Variants in TSTD2 observed in about 807,000 individuals in gnomAD.
The protein encoded by TSTD2 is thiosulfate sulfurtransferase/rhodanese-like domain-containing protein 2.
A neutral mutation model predicts 47.9 loss-of-function variants in TSTD2; 37 were observed. The ratio of observed to expected loss-of-function variants is 0.77; its 90% CI spans 0.59 to 1.02. The LOEUF (loss-of-function observed/expected upper bound fraction) is 1.02. Ranked by LOEUF, TSTD2 falls within the 50% of genes least tolerant of loss-of-function variation. The pLI is 0.00. For missense variants in TSTD2, 586 were observed against 616.0 expected (o/e 0.95, Z 0.52); for synonymous variants, 201 against 215.9 (o/e 0.93, Z 0.61).
rs1020203707 is a variant in TSTD2 at position 97,606,343 on chromosome 9, G to A, written c.836-82C>T. The A allele has an allele frequency of 5.3e-6, 4 of 753,752 alleles. No homozygotes were observed. In the Admixed American group the frequency reaches 7.2e-5, roughly 14 times the overall value. The allele number at this position is 753,752 out of a possible 1,614,324, so 46.7% of individuals were successfully genotyped here. ...TCATGACTCACCCAGCCTGACTTAC[G>A]TGTTGCTTTGTTTCTTTCCACCCAA... On this transcript the variant is annotated intron_variant, in intron 6 of 9. Coordinates refer to ENST00000341170, the MANE Select transcript of TSTD2 (RefSeq NM_139246.5).
In TSTD2 at chr9:97,602,656, C is replaced by G; in HGVS notation, c.1364G>C (p.Cys455Ser). ...PACQGQGFTA[C>S]CVTCQDKGSR... ...CCCCTTGTCTTGACATGTGACACAA[C>G]AGGCTGTGAATCCTTGTCCTTGACA... is the stretch of plus-strand genomic sequence containing the variant. Residue 455 changes from cysteine (C) to serine (S), a missense_variant, in exon 10 of 10, where the codon TGT (cysteine) becomes TCT (serine). Coordinates refer to ENST00000341170, the MANE Select transcript of TSTD2 (RefSeq NM_139246.5). 1.2e-6 allele frequency: 2 copies of G among 1,614,216 alleles called. No individual in the cohort carries two copies. The highest frequency in any genetic ancestry group is 1.7e-6 in the Non-Finnish European group (2 of 1,180,038).
rs753275168 is a variant in TSTD2, at chr9:97,625,742, T to G, written c.421A>C (p.Ser141Arg). ...KNPLKECLPHSHDVSAWLPDI... is the reference protein window; with the variant it reads ...KNPLKECLPHRHDVSAWLPDI... ...GGGAGCCAAGCAGACACGTCATGGC[T>G]ATGTGGAAGGCACTCTTTTAAAGGG... is the stretch of plus-strand genomic sequence containing the variant. The change falls in exon 3 of 10, where the codon AGC (serine) becomes CGC (arginine). Residue 141 changes from serine to arginine, a missense_variant. Coordinates refer to ENST00000341170, the MANE Select transcript of TSTD2 (RefSeq NM_139246.5). The G allele has an allele frequency of 1.2e-6, 2 of 1,614,136 alleles. No individual in the cohort carries two copies. Among genetic ancestry groups the G allele is most frequent in the East Asian group, 4.5e-5 (2 of 44,878 alleles).
Position 97,625,775 on chromosome 9 carries a change from C to T in TSTD2, c.388G>A (p.Glu130Lys). 1.2e-6 allele frequency: 2 copies of T among 1,614,152 alleles called. No homozygotes were observed. Among genetic ancestry groups the T allele is most frequent in the Non-Finnish European group, 1.7e-6 (2 of 1,179,986 alleles). ...STSKSLSSAD[E>K]KNPLKECLPH... Reference sequence around the variant, plus strand: ...AGGCACTCTTTTAAAGGGTTCTTTTCATCTGCAGACGAAAGACTCTTTGAG... The same window carrying T: ...AGGCACTCTTTTAAAGGGTTCTTTTTATCTGCAGACGAAAGACTCTTTGAG... Residue 130 changes from glutamate (E) to lysine (K), a missense_variant, in exon 3 of 10, where the codon GAA (glutamate) becomes AAA (lysine). Physicochemically the swap from Glu to Lys is moderately conservative, Grantham distance 56. Transcript: ENST00000341170.
chr9:97,604,175 T>G (rs1826324775), intron 9 of TSTD2: 1 of 152,306 alleles, frequency 6.6e-6, no homozygotes, highest in African/African-American at 2.4e-5. Context: ...GAAGCAGTGA[T>G]GAGTATAAAT....
At chr9:97,612,955 AG>A (rs1826481471) in intron 4 of TSTD2, among the ~76,000 whole-genome samples, 1 of 152,250 alleles carries the variant, frequency 6.6e-6, no homozygotes, top group African/African-American at 2.4e-5. Flanking sequence ...ACTCCTGGAA[AG>A]CCCCATTTGC....
chr9:97,618,901 C>T (rs760808303), intron 3 of TSTD2, among the ~76,000 whole-genome samples: 10 of 152,184 alleles, frequency 6.6e-5, no homozygotes, highest in Non-Finnish European at 1.2e-4. Context: ...CTCTAAGCTC[C>T]TATAACAAGT....
intron 9 of TSTD2, 23 bp from the exon 10 acceptor site, chr9:97,602,790 CATT>C: frequency 6.3e-7 from 1 of 1,582,684 alleles, no homozygotes. Context: ...GAAAAGCCAT[CATT>C]ATAAACACAT....
chr9:97,601,204 T>G lies in TSTD2; in HGVS notation c.*1265A>C. 7.7e-7 allele frequency: 1 copy of G among 1,292,228 alleles called. No homozygotes were observed. Among genetic ancestry groups the G allele is most frequent in the Non-Finnish European group, 1.0e-6 (1 of 981,850 alleles). The allele number at this position is 1,292,228 out of a possible 1,614,324, so 80.0% of individuals were successfully genotyped here. A position where few individuals can be genotyped will look rare whatever the true frequency, so the allele number is the denominator to read the frequency against. ...TCCTTAAAACACAATTGCAGCTGCA[T>G]TCTGCATCGCTGAAAACTGCAATAT... On this transcript the variant is annotated 3_prime_UTR_variant, in exon 10 of 10. Coordinates refer to ENST00000341170, the MANE Select transcript of TSTD2 (RefSeq NM_139246.5).
intron 3 of TSTD2, among the ~76,000 whole-genome samples, chr9:97,618,119 T>TTA (rs1826575829): frequency 6.6e-6 from 1 of 152,238 alleles, no homozygotes; most frequent in Admixed American, 6.5e-5. Flanking sequence ...GATCCCTCAT[T>TTA]TAATGGTCAC....
chr9:97,627,028 T>C (rs1374506724), intron 2 of TSTD2, among the ~76,000 whole-genome samples: 1 of 152,224 alleles, frequency 6.6e-6, no homozygotes, highest in Non-Finnish European at 1.5e-5. Flanking sequence ...TTGCCTATTT[T>C]TCCATTATAG....
At chr9:97,622,066 C>T (rs2131315166) in intron 3 of TSTD2, among the ~76,000 whole-genome samples, 1 of 152,064 alleles carries the variant, frequency 6.6e-6, no homozygotes, top group East Asian at 1.9e-4. Context: ...GGCCGGCCAA[C>T]ACTTAGAGAA....
rs1414242131 is a variant in TSTD2, at chr9:97,619,791, G to A, written c.483-1914C>T. Among the ~76,000 whole-genome samples the A allele has an allele frequency of 5.3e-5, 8 of 152,244 alleles. No homozygotes were observed. In the East Asian group the frequency reaches 1.5e-3, roughly 29 times the overall value. On this transcript the variant is annotated intron_variant, in intron 3 of 9. Coordinates refer to ENST00000341170, the MANE Select transcript of TSTD2 (RefSeq NM_139246.5). Reference sequence around the variant, plus strand: ...GGAGGCTATTAGTATAGTTTTGGGGGAGTTAAAAGTTATACGCAAATTTTC... The same window carrying A: ...GGAGGCTATTAGTATAGTTTTGGGGAAGTTAAAAGTTATACGCAAATTTTC...
At chr9:97,630,211 G>A (rs574900926) in intron 1 of TSTD2, among the ~76,000 whole-genome samples, 1 of 152,180 alleles carries the variant, frequency 6.6e-6, no homozygotes, top group African/African-American at 2.4e-5. Flanking sequence ...TTCCACAAAT[G>A]AGCCATGTTC....
At chr9:97,629,451 A>G (rs1413702791) in intron 1 of TSTD2, among the ~76,000 whole-genome samples, 1 of 152,146 alleles carries the variant, frequency 6.6e-6, no homozygotes, top group Non-Finnish European at 1.5e-5. Flanking sequence ...ATGGGGCTCA[A>G]AATGAGCTTT....
chr9:97,631,266 G>A (rs1267885193), intron 1 of TSTD2, among the ~76,000 whole-genome samples: 2 of 151,884 alleles, frequency 1.3e-5, no homozygotes, highest in Non-Finnish European at 2.9e-5. Flanking sequence ...ACAGCTGCAC[G>A]CCACCACACG....
intron 4 of TSTD2, among the ~76,000 whole-genome samples, chr9:97,615,008 C>T (rs1826521480): frequency 6.6e-6 from 1 of 152,192 alleles, no homozygotes; most frequent in Non-Finnish European, 1.5e-5. Context: ...AAAAGAGTTT[C>T]TGACTACAGC....
At chr9:97,608,405 G>A (rs906862792) in intron 6 of TSTD2, among the ~76,000 whole-genome samples, 2 of 152,142 alleles carry the variant, frequency 1.3e-5, no homozygotes, top group African/African-American at 4.8e-5. Context: ...TGAGGCTGAG[G>A]TGGGCAGATC....
At chr9:97,628,935 A>T (rs1035294810) in intron 1 of TSTD2, among the ~76,000 whole-genome samples, 6 of 152,178 alleles carry the variant, frequency 3.9e-5, no homozygotes, top group African/African-American at 1.4e-4. Context: ...TTGGCCTCTG[A>T]GCTGAGAGCA....
chr9:97,607,758 C>T (rs1826388080), intron 6 of TSTD2, among the ~76,000 whole-genome samples: 1 of 151,932 alleles, frequency 6.6e-6, no homozygotes. Flanking sequence ...CAAAAATTAG[C>T]CAGGTGTGGT....
Sources: gnomAD v4.1 joint callset for allele counts (sites outside exome capture counted in the v4.1 genomes callset) on GRCh38, gnomAD v4.1.1 for gene constraint, MANE v1.5 for transcripts, NCBI Gene and HGNC (gene_info 2026-07-23, HGNC 2026-07-21) for gene names.